Variants in GLIS3 observed in about 807,000 individuals in gnomAD.
The protein encoded by GLIS3 is zinc finger protein GLIS3.
In GLIS3, 53 loss-of-function variants were observed where a neutral mutation model predicts 78.6. That is an observed-to-expected ratio of 0.67 (90% CI 0.54 to 0.85). The LOEUF (loss-of-function observed/expected upper bound fraction) is 0.85, where lower values mean the gene tolerates loss of function less well. GLIS3 is among the 40% of genes least tolerant of loss of function. The pLI, the probability that GLIS3 is intolerant of heterozygous loss-of-function variation, is 0.00. For missense variants in GLIS3, 1,703 were observed against 1,231.1 expected (o/e 1.38, Z -5.74); for synonymous variants, 684 against 509.9 (o/e 1.34, Z -4.60).
At chr9:4,167,910 A>G (rs1816015758) in intron 2 of GLIS3, among the ~76,000 whole-genome samples, 1 of 152,078 alleles carries the variant, frequency 6.6e-6, no homozygotes, top group Non-Finnish European at 1.5e-5. Context: ...ACTCCTCTAC[A>G]CTGGCCAAGC....
At chr9:4,132,053 A>T (rs1243263127) in intron 2 of GLIS3, among the ~76,000 whole-genome samples, 2 of 151,342 alleles carry the variant, frequency 1.3e-5, no homozygotes, top group African/African-American at 4.8e-5. Flanking sequence ...TTTTTTTTAA[A>T]AAAAAAAAAA....
At chr9:4,266,294 T>A (rs1417351835) in intron 2 of GLIS3, among the ~76,000 whole-genome samples, 1 of 152,022 alleles carries the variant, frequency 6.6e-6, no homozygotes, top group Non-Finnish European at 1.5e-5. Flanking sequence ...AAAAAAAATC[T>A]TTGCTTCAAG....
the GLIS3 span, among the ~76,000 whole-genome samples, chr9:4,361,127 C>T: frequency 5.9e-5 from 9 of 152,232 alleles, no homozygotes; most frequent in Non-Finnish European, 1.5e-5. Flanking sequence ...CCGATGCACT[C>T]ATTCCTGGGA....
chr9:4,175,952 C>G (rs1474864224), intron 2 of GLIS3, among the ~76,000 whole-genome samples: 1 of 152,174 alleles, frequency 6.6e-6, no homozygotes, highest in African/African-American at 2.4e-5. Context: ...GAATTGAAAT[C>G]CAGGGCTTCT....
At chr9:4,285,225 G>A (rs370362039) in intron 2 of GLIS3, among the ~76,000 whole-genome samples, 1 of 152,116 alleles carries the variant, frequency 6.6e-6, no homozygotes, top group South Asian at 2.1e-4. Context: ...TTTACGTGGG[G>A]TGCATGCTCT....
chr9:4,178,059 C>A (rs1341299484), intron 2 of GLIS3, among the ~76,000 whole-genome samples: 8 of 152,168 alleles, frequency 5.3e-5, no homozygotes, highest in Non-Finnish European at 2.9e-5. Context: ...ATTATTATAT[C>A]CTTTCTCAAA....
At chr9:4,329,464 T>C (rs937028652) in intron 2 of GLIS3, among the ~76,000 whole-genome samples, 1 of 152,166 alleles carries the variant, frequency 6.6e-6, no homozygotes, top group African/African-American at 2.4e-5. Context: ...CTTTCATTTG[T>C]CCTGGAACTA....
the GLIS3 span, among the ~76,000 whole-genome samples, chr9:4,489,853 A>G: frequency 6.6e-6 from 1 of 152,214 alleles, no homozygotes; most frequent in African/African-American, 2.4e-5. Flanking sequence ...CCCAGTGTCC[A>G]CAGACAAATC....
At chr9:3,915,785 G>C (rs1230885417) in intron 6 of GLIS3, among the ~76,000 whole-genome samples, 2 of 152,090 alleles carry the variant, frequency 1.3e-5, no homozygotes, top group Non-Finnish European at 2.9e-5. Flanking sequence ...TCAGATCTCT[G>C]CAAAGAGTCA....
At chr9:3,974,496 G>C (rs560623234) in intron 4 of GLIS3, among the ~76,000 whole-genome samples, 2 of 152,132 alleles carry the variant, frequency 1.3e-5, no homozygotes, top group Non-Finnish European at 2.9e-5. Context: ...TGCAATTGGG[G>C]AACTGACTGG....
At chr9:4,168,316 G>C (rs532280852) in intron 2 of GLIS3, among the ~76,000 whole-genome samples, 10 of 152,200 alleles carry the variant, frequency 6.6e-5, no homozygotes, top group African/African-American at 2.4e-4. Context: ...TATAAGACAA[G>C]TCATGTCTTT....
intron 2 of GLIS3, among the ~76,000 whole-genome samples, chr9:4,240,710 G>A (rs894143737): frequency 1.3e-5 from 2 of 152,148 alleles, no homozygotes; most frequent in Non-Finnish European, 2.9e-5. Flanking sequence ...ACATAGTCCT[G>A]TTCATCAAAT....
chr9:3,921,145 G>A (rs532400566), intron 6 of GLIS3, among the ~76,000 whole-genome samples: 2 of 152,320 alleles, frequency 1.3e-5, no homozygotes, highest in Admixed American at 6.5e-5. Flanking sequence ...AAGGTGTGTA[G>A]TACAACAGCT....
chr9:4,432,638 CTTTTTTTTT>C, the GLIS3 span, among the ~76,000 whole-genome samples: 5 of 113,536 alleles, frequency 4.4e-5, no homozygotes, highest in African/African-American at 1.3e-4. Flanking sequence ...TTTTTATTTC[CTTTTTTTTT>C]TTTTTTTTTT....
chr9:4,266,177 C>G (rs1413159012), intron 2 of GLIS3, among the ~76,000 whole-genome samples: 2 of 152,044 alleles, frequency 1.3e-5, no homozygotes, highest in Admixed American at 1.3e-4. Context: ...CTCAGCCTCC[C>G]AAAGTGCTGA....
At chr9:3,903,881 A>G (rs553938665) in intron 6 of GLIS3, among the ~76,000 whole-genome samples, 1 of 152,314 alleles carries the variant, frequency 6.6e-6, no homozygotes, top group South Asian at 2.1e-4. Context: ...AAGGATGAAG[A>G]GCAAGAGAGT....
chr9:4,084,960 G>C (rs529126251), intron 4 of GLIS3, among the ~76,000 whole-genome samples: 30 of 150,782 alleles, frequency 2.0e-4, no homozygotes, highest in African/African-American at 6.8e-4. Flanking sequence ...ATGAAAAGTG[G>C]CTATCAAGTT....
At chr9:4,468,554 G>A in the GLIS3 span, among the ~76,000 whole-genome samples, 1 of 152,184 alleles carries the variant, frequency 6.6e-6, no homozygotes, top group African/African-American at 2.4e-5. Context: ...AAGTGAAGGA[G>A]AAATAAAATA....
At chr9:4,276,039 T>C (rs1448021695) in intron 2 of GLIS3, among the ~76,000 whole-genome samples, 2 of 151,842 alleles carry the variant, frequency 1.3e-5, no homozygotes, top group African/African-American at 4.8e-5. Flanking sequence ...TCCTAGCACT[T>C]TGGAAGGCCG....
Sources: allele counts gnomAD v4.1 joint callset (sites outside exome capture counted in the v4.1 genomes callset), GRCh38; gene constraint gnomAD v4.1.1; transcripts MANE v1.5; gene names NCBI Gene and HGNC (gene_info 2026-07-23, HGNC 2026-07-21).